Variants in PRDM6 observed in about 807,000 individuals in gnomAD.
PRDM6 encodes the protein putative histone-lysine N-methyltransferase PRDM6.
PRDM6 carries 25 observed loss-of-function variants against 60.8 expected under a neutral mutation model. That is an observed-to-expected ratio of 0.41 (90% CI 0.30 to 0.57). PRDM6 has a LOEUF of 0.57. Ranked by LOEUF, PRDM6 falls within the 20% of genes least tolerant of loss-of-function variation. The pLI, the probability that PRDM6 is intolerant of heterozygous loss-of-function variation, is 0.27. For missense variants in PRDM6, 839 were observed against 821.3 expected, an observed-to-expected ratio of 1.02 and a Z score of -0.26; for synonymous variants, 407 against 357.4, an observed-to-expected ratio of 1.14 and a Z score of -1.57.
Position 123,116,939 on chromosome 5 carries a change from C to T in PRDM6, c.900+16978C>T, listed in dbSNP as rs543984075. On this transcript the variant is annotated intron_variant, in intron 3 of 7. Coordinates refer to ENST00000407847, the MANE Select transcript of PRDM6 (RefSeq NM_001136239.4). ...AATCAGCTTTCCATAATAACTCTGT[C>T]TCCCAGCCAGTAATTTCCTTGTTCT... Among the ~76,000 whole-genome samples the T allele has an allele frequency of 2.8e-4, 43 of 152,318 alleles. No homozygotes were observed. In the South Asian group the frequency reaches 8.9e-3, roughly 32 times the overall value.
chr5:123,122,371 G>A (rs1229074193), intron 3 of PRDM6, among the ~76,000 whole-genome samples: 1 of 152,076 alleles, frequency 6.6e-6, no homozygotes, highest in Non-Finnish European at 1.5e-5. Flanking sequence ...TCAACCTTTT[G>A]AAATATAATT....
rs1763819938 is a variant in PRDM6, at chr5:123,090,755, C to A, written c.592+149C>A. On this transcript the variant is annotated intron_variant, in intron 2 of 7. Transcript: ENST00000407847. ...TGGTCCTGGCCGCTGGCCCGCGCCT[C>A]CCCGATCTCTGTGACAAAAGTTTTC... is the stretch of plus-strand genomic sequence containing the variant. 29 of 644,090 alleles carry A rather than the reference C, an allele frequency of 4.5e-5. No homozygotes were observed. The South Asian group carries it at 6.0e-4, about 13-fold the overall frequency. The allele number at this position is 644,090 out of a possible 1,614,324, so 39.9% of individuals were successfully genotyped here. A position where few individuals can be genotyped will look rare whatever the true frequency, so the allele number is the denominator to read the frequency against.
At chr5:123,160,569 C>G (rs926121170) in intron 5 of PRDM6, among the ~76,000 whole-genome samples, 1 of 146,022 alleles carries the variant, frequency 6.8e-6, no homozygotes, top group Non-Finnish European at 1.5e-5. Context: ...TTCTTCTCCA[C>G]TTTCTAACAC....
intron 6 of PRDM6, among the ~76,000 whole-genome samples, chr5:123,174,739 AT>A (rs1194744014): frequency 6.6e-6 from 1 of 151,854 alleles, no homozygotes; most frequent in East Asian, 1.9e-4. Flanking sequence ...TGTTTTATTT[AT>A]TTTTTTTAAC....
intron 6 of PRDM6, among the ~76,000 whole-genome samples, chr5:123,177,770 C>A (rs1199161971): frequency 1.3e-5 from 2 of 152,084 alleles, no homozygotes; most frequent in African/African-American, 4.8e-5. Context: ...AAAACAAGAA[C>A]AAGCATGAGA....
At chr5:123,092,851 G>A (rs1275916964) in intron 2 of PRDM6, among the ~76,000 whole-genome samples, 1 of 152,190 alleles carries the variant, frequency 6.6e-6, no homozygotes, top group Non-Finnish European at 1.5e-5. Flanking sequence ...AGCAAGCTTA[G>A]GCACTCATTT....
intron 3 of PRDM6, among the ~76,000 whole-genome samples, chr5:123,102,004 G>A (rs1764114965): frequency 6.6e-6 from 1 of 152,124 alleles, no homozygotes; most frequent in African/African-American, 2.4e-5. Flanking sequence ...CTTAGAGTTG[G>A]TTCTCTGTTA....
At chr5:123,156,863 C>T (rs1765511850) in intron 4 of PRDM6, among the ~76,000 whole-genome samples, 1 of 152,034 alleles carries the variant, frequency 6.6e-6, no homozygotes. Flanking sequence ...GGAAAAAAGC[C>T]CCACCACTAA....
At chr5:123,175,198 T>C (rs1431362618) in intron 6 of PRDM6, among the ~76,000 whole-genome samples, 2 of 152,262 alleles carry the variant, frequency 1.3e-5, no homozygotes, top group Non-Finnish European at 2.9e-5. Flanking sequence ...GTATGTTCTC[T>C]TTTATTTCCT....
In PRDM6 at chr5:123,171,040, G is replaced by T. The variant is rs1179643007; in HGVS notation, c.1428G>T (p.Gly476=). The T allele has an allele frequency of 6.4e-7, 1 of 1,551,982 alleles. No homozygotes were observed. Among genetic ancestry groups the T allele is most frequent in the Non-Finnish European group, 8.7e-7 (1 of 1,147,090 alleles). The change falls in exon 6 of 8, where the codon GGG becomes GGT. Residue 476 remains glycine, a synonymous_variant. Coordinates refer to ENST00000407847, the MANE Select transcript of PRDM6 (RefSeq NM_001136239.4). ...GTGACTGGCATCTTTGGAAATGTGG[G>T]CAGTGCTTTAAGACTTTCACCCAGC... The part of the protein sequence containing the change: ...EFSDWHLWKC[G]QCFKTFTQRI...
intron 7 of PRDM6, among the ~76,000 whole-genome samples, chr5:123,180,819 A>G (rs1766138930): frequency 6.6e-6 from 1 of 152,144 alleles, no homozygotes; most frequent in African/African-American, 2.4e-5. Flanking sequence ...AAGAGTTTGA[A>G]CCTATTATAG....
intron 3 of PRDM6, among the ~76,000 whole-genome samples, chr5:123,133,794 T>C (rs754636282): frequency 6.6e-6 from 1 of 151,404 alleles, no homozygotes; most frequent in Non-Finnish European, 1.5e-5. Context: ...AAAAGTTCAG[T>C]TGATTTGAAA....
chr5:123,138,118 T>C (rs1241588374), intron 3 of PRDM6, among the ~76,000 whole-genome samples: 1 of 152,212 alleles, frequency 6.6e-6, no homozygotes, highest in East Asian at 1.9e-4. Context: ...GTTTCACTCA[T>C]GATTTCTTGC....
chr5:123,094,457 T>A (rs1341012617), intron 2 of PRDM6, among the ~76,000 whole-genome samples: 1 of 150,476 alleles, frequency 6.6e-6, no homozygotes, highest in Non-Finnish European at 1.5e-5. Flanking sequence ...TCTCTCTCTC[T>A]CGCGTGTGTG....
chr5:123,115,372 C>T (rs1176563566), intron 3 of PRDM6, among the ~76,000 whole-genome samples: 1 of 152,154 alleles, frequency 6.6e-6, no homozygotes, highest in Non-Finnish European at 1.5e-5. Context: ...ATCTTACATA[C>T]CTAAATGTTG....
At chr5:123,125,996 G>T (rs1167141055) in intron 3 of PRDM6, among the ~76,000 whole-genome samples, 1 of 151,902 alleles carries the variant, frequency 6.6e-6, no homozygotes, top group Non-Finnish European at 1.5e-5. Flanking sequence ...GCTTATATGT[G>T]TGTGTGGGTG....
At chr5:123,130,097 T>TCCCCC (rs1764788685) in intron 3 of PRDM6, among the ~76,000 whole-genome samples, 2 of 30,850 alleles carry the variant, frequency 6.5e-5, no homozygotes, top group Non-Finnish European at 1.0e-4. Context: ...TTCCCTCCCC[T>TCCCCC]CCCCTCCCCT....
chr5:123,171,049 T>G lies in PRDM6; in HGVS notation c.1437T>G (p.Phe479Leu). ...DWHLWKCGQCFKTFTQRILLQ... is the reference protein window; with the variant it reads ...DWHLWKCGQCLKTFTQRILLQ... ...ATCTTTGGAAATGTGGGCAGTGCTT[T>G]AAGACTTTCACCCAGCGGATCCTCT... Residue 479 changes from phenylalanine (F) to leucine (L), a missense_variant, in exon 6 of 8, where the codon TTT (phenylalanine) becomes TTG (leucine). Transcript: ENST00000407847. The G allele has an allele frequency of 6.4e-7, 1 of 1,552,070 alleles. No homozygotes were observed. Among genetic ancestry groups the G allele is most frequent in the Non-Finnish European group, 8.7e-7 (1 of 1,147,032 alleles).
chr5:123,186,953 C>G, intron 7 of PRDM6, 134 bp from the exon 8 acceptor site: 1 of 635,062 alleles, frequency 1.6e-6, no homozygotes, highest in East Asian at 2.9e-5. Context: ...GAAGGAGCCA[C>G]CAATTAAACC....
Sources: allele counts gnomAD v4.1 joint callset (sites outside exome capture counted in the v4.1 genomes callset), GRCh38; gene constraint gnomAD v4.1.1; transcripts MANE v1.5; gene names NCBI Gene and HGNC (gene_info 2026-07-23, HGNC 2026-07-21).